PRMT8: variants seen among roughly 807,000 people sequenced by gnomAD.
PRMT8 encodes protein arginine methyltransferase 8.
A neutral mutation model predicts 47.1 loss-of-function variants in PRMT8; 7 were observed. The ratio of observed to expected loss-of-function variants is 0.15; its 90% CI spans 0.08 to 0.28. The LOEUF (loss-of-function observed/expected upper bound fraction) is 0.28. PRMT8 is among the 10% of genes least tolerant of loss of function. The pLI is 1.00. For missense variants in PRMT8, 237 were observed against 505.4 expected (o/e 0.47, Z 5.09); for synonymous variants, 188 against 186.5 (o/e 1.01, Z -0.07).
chr12:3,506,847 C>T (rs768810588), intron 1 of PRMT8, among the ~76,000 whole-genome samples: 3 of 151,994 alleles, frequency 2.0e-5, no homozygotes, highest in South Asian at 2.1e-4. Context: ...GTGCTCCTAC[C>T]GAGAGAAACT....
chr12:3,556,292 A>G (rs1866526683), intron 4 of PRMT8, among the ~76,000 whole-genome samples: 1 of 152,100 alleles, frequency 6.6e-6, no homozygotes, highest in Non-Finnish European at 1.5e-5. Flanking sequence ...GAAATGGGCC[A>G]AAGATGGGGC....
chr12:3,480,462 C>T (rs1473125163), intron 1 of PRMT8, among the ~76,000 whole-genome samples: 4 of 152,170 alleles, frequency 2.6e-5, no homozygotes, highest in South Asian at 2.1e-4. Context: ...CCAAACTTCT[C>T]ACATTATAGA....
At chr12:3,507,758 CTTT>C (rs928102421) in intron 1 of PRMT8, among the ~76,000 whole-genome samples, 7 of 132,718 alleles carry the variant, frequency 5.3e-5, no homozygotes, top group Admixed American at 7.6e-5. Flanking sequence ...TCTTCTCCTT[CTTT>C]TTTTTTTTTT....
rs558119148 is a variant in PRMT8, at chr12:3,447,897, A to G, written c.48+66455A>G. Among the ~76,000 whole-genome samples, 40 of 152,302 alleles carry G rather than the reference A, an allele frequency of 2.6e-4. No homozygotes were observed. The South Asian group carries it at 8.1e-3, about 31-fold the overall frequency. ...CACACCTGCCATGCTTCTGATTTTT[A>G]TAGGGACGGATGTGCAGGGAGGCTT... is the stretch of plus-strand genomic sequence containing the variant. On this transcript the variant is annotated intron_variant, in intron 1 of 9. Transcript: ENST00000452611.
At chr12:3,529,888 A>G (rs545654414) in intron 1 of PRMT8, among the ~76,000 whole-genome samples, 1 of 152,310 alleles carries the variant, frequency 6.6e-6, no homozygotes, top group Admixed American at 6.5e-5. Context: ...GAACCATGGC[A>G]TCATTACCTG....
At chr12:3,523,059 C>A (rs1310871895) in intron 1 of PRMT8, among the ~76,000 whole-genome samples, 2 of 152,050 alleles carry the variant, frequency 1.3e-5, no homozygotes, top group Non-Finnish European at 2.9e-5. Context: ...ACCTCCACCC[C>A]CCAAACCATA....
In PRMT8 at chr12:3,593,079, G is replaced by C; in HGVS notation, c.1102-20G>C. ...TACCCAGACGGCCGCCTGACCCTTCGCTCTCTCTCTGCCTTGCAGCGAGAC... is the reference window on the plus strand; with the variant it reads ...TACCCAGACGGCCGCCTGACCCTTCCCTCTCTCTCTGCCTTGCAGCGAGAC... On this transcript the variant is annotated intron_variant, in intron 9 of 9. Coordinates refer to ENST00000382622, the MANE Select transcript of PRMT8 (RefSeq NM_019854.5). The surrounding 1 kb of genome is among the most constrained non-coding windows in gnomAD (Gnocchi z 4.8). 1.2e-6 allele frequency: 2 copies of C among 1,607,468 alleles called. No homozygotes were observed. The highest frequency in any genetic ancestry group is 1.1e-5 in the South Asian group (1 of 90,784).
chr12:3,438,727 C>A (rs998153390), intron 1 of PRMT8, among the ~76,000 whole-genome samples: 2 of 152,196 alleles, frequency 1.3e-5, no homozygotes, highest in Admixed American at 6.5e-5. Context: ...CGAATAGTGA[C>A]CCAGACTGAC....
chr12:3,474,242 G>A (rs1237682909), intron 1 of PRMT8, among the ~76,000 whole-genome samples: 1 of 152,156 alleles, frequency 6.6e-6, no homozygotes, highest in Non-Finnish European at 1.5e-5. Flanking sequence ...GATAGGCCCA[G>A]GTTCAGATCC....
intron 1 of PRMT8, among the ~76,000 whole-genome samples, chr12:3,465,231 T>A (rs902526636): frequency 1.2e-3 from 164 of 141,518 alleles, no homozygotes; most frequent in Non-Finnish European, 2.0e-3. Flanking sequence ...AAATATAAAA[T>A]ATATATATTT....
intron 1 of PRMT8, among the ~76,000 whole-genome samples, chr12:3,442,950 C>G (rs1306760467): frequency 2.6e-5 from 4 of 152,118 alleles, no homozygotes; most frequent in Non-Finnish European, 5.9e-5. Context: ...AGCCACCACG[C>G]CCGGCCTTAT....
At chr12:3,474,072 C>A (rs1478753563) in intron 1 of PRMT8, among the ~76,000 whole-genome samples, 1 of 152,214 alleles carries the variant, frequency 6.6e-6, no homozygotes, top group East Asian at 1.9e-4. Context: ...CCTGAATGAG[C>A]TTCTACAAAT....
intron 1 of PRMT8, among the ~76,000 whole-genome samples, chr12:3,528,155 G>C (rs1865974540): frequency 6.6e-6 from 1 of 151,976 alleles, no homozygotes; most frequent in Non-Finnish European, 1.5e-5. Context: ...CACGATTCTT[G>C]TGTTCAGGGT....
intron 1 of PRMT8, among the ~76,000 whole-genome samples, chr12:3,519,848 G>A (rs993553761): frequency 1.3e-5 from 2 of 152,158 alleles, no homozygotes; most frequent in Non-Finnish European, 2.9e-5. Context: ...ATGGTTGCTC[G>A]GCTGCTCTTA....
Position 3,535,343 on chromosome 12 carries a change from CCTGGGTAAGGCCAGT to C in PRMT8, c.76-5257_76-5243del, listed in dbSNP as rs1274568903. On this transcript the variant is annotated intron_variant, in intron 1 of 9. Coordinates refer to ENST00000382622, the MANE Select transcript of PRMT8 (RefSeq NM_019854.5). The surrounding 1 kb of genome is among the most constrained non-coding windows in gnomAD (Gnocchi z 4.7). The stretch of plus-strand genomic sequence containing the variant: ...GGGAGAAAAACTGTGCTGAAGCTGC[CCTGGGTAAGGCCAGT>C]CTGGGGGCGGAACACTGTGTTGGGG... Among the ~76,000 whole-genome samples, 3 of 152,146 alleles carry C rather than the reference CCTGGGTAAGGCCAGT, an allele frequency of 2.0e-5. No individual in the cohort carries two copies. The highest frequency in any genetic ancestry group is 7.2e-5 in the African/African-American group (3 of 41,434).
Position 3,492,233 on chromosome 12 carries a change from GGGGCCGAGCCGGCAGGAGGACTC to G in PRMT8, c.75+538_75+560del, listed in dbSNP as rs1865428976. ...GCCGCGCGGAGAGCCCCCGGCCGCG[GGGGCCGAGCCGGCAGGAGGACTC>G]GGGCACCTCCTACAGACCCTCCGGC... On this transcript the variant is annotated intron_variant, in intron 1 of 9. Transcript: ENST00000382622. The surrounding 1 kb of genome is among the most constrained non-coding windows in gnomAD (Gnocchi z 7.5). 6.6e-6 allele frequency among the ~76,000 whole-genome samples: 1 copy of G among 152,098 alleles called. No individual in the cohort carries two copies. Among genetic ancestry groups the G allele is most frequent in the South Asian group, 2.1e-4 (1 of 4,834 alleles).
chr12:3,424,918 G>A (rs4766117), intron 1 of PRMT8, among the ~76,000 whole-genome samples: 101,305 of 152,066 alleles, frequency 0.67, 37,666 homozygotes, highest in East Asian at 0.93. Context: ...TTGGCCATGC[G>A]TGGACCAGTC....
At chr12:3,479,584 C>T (rs886241338) in intron 1 of PRMT8, among the ~76,000 whole-genome samples, 5 of 152,158 alleles carry the variant, frequency 3.3e-5, no homozygotes, top group Admixed American at 2.0e-4. Flanking sequence ...AAAAAAAATA[C>T]TCCCCTAAAG....
intron 7 of PRMT8, among the ~76,000 whole-genome samples, chr12:3,581,104 A>T (rs1237379330): frequency 6.6e-6 from 1 of 152,188 alleles, no homozygotes; most frequent in African/African-American, 2.4e-5. Flanking sequence ...GCTCCTTGGG[A>T]ACACAGGCTG....
Sources: allele counts gnomAD v4.1 joint callset (sites outside exome capture counted in the v4.1 genomes callset), GRCh38; gene constraint gnomAD v4.1.1; non-coding constraint Gnocchi (gnomAD v3.1); transcripts MANE v1.5; gene names NCBI Gene and HGNC (gene_info 2026-07-23, HGNC 2026-07-21).